SOX6: variants seen among roughly 807,000 people sequenced by gnomAD.
SOX6 encodes the protein transcription factor SOX-6.
A neutral mutation model predicts 97.8 loss-of-function variants in SOX6; 11 were observed. The ratio of observed to expected loss-of-function variants is 0.11; its 90% CI spans 0.07 to 0.19. The LOEUF is 0.19. Ranked by LOEUF, SOX6 falls within the 10% of genes least tolerant of loss-of-function variation. The pLI, the probability that SOX6 is intolerant of heterozygous loss-of-function variation, is 1.00. For synonymous variants in SOX6, 360 were observed against 371.4 expected, an observed-to-expected ratio of 0.97 and a Z score of 0.35; for missense variants, 810 against 1,039.5, an observed-to-expected ratio of 0.78 and a Z score of 3.04.
chr11:16,708,804 C>T (rs1163549471), intron 3 of SOX6, among the ~76,000 whole-genome samples: 1 of 152,174 alleles, frequency 6.6e-6, no homozygotes, highest in Non-Finnish European at 1.5e-5. Flanking sequence ...AATTGCATTA[C>T]TTTTCAGGTA....
chr11:16,501,152 G>A (rs1373584179), intron 4 of SOX6, among the ~76,000 whole-genome samples: 1 of 152,046 alleles, frequency 6.6e-6, no homozygotes, highest in East Asian at 1.9e-4. Flanking sequence ...CAGAAATAAT[G>A]CCACATATCT....
intron 4 of SOX6, among the ~76,000 whole-genome samples, chr11:16,549,463 G>A (rs73417110): frequency 0.034 from 5,111 of 152,176 alleles, 277 homozygotes; most frequent in African/African-American, 0.12. Flanking sequence ...ACAATACCAA[G>A]TGCTGGTAAT....
At chr11:16,632,733 T>TG (rs1487790081) in intron 3 of SOX6, among the ~76,000 whole-genome samples, 1 of 152,214 alleles carries the variant, frequency 6.6e-6, no homozygotes, top group Non-Finnish European at 1.5e-5. Context: ...GGCACAGGAA[T>TG]GGGGTGCAGC....
intron 6 of SOX6, among the ~76,000 whole-genome samples, chr11:16,159,048 CAAATAGTCCCA>C (rs2134067252): frequency 6.6e-6 from 1 of 152,080 alleles, no homozygotes; most frequent in South Asian, 2.1e-4. Flanking sequence ...AAAGACAATG[CAAATAGTCCCA>C]ATAAGCTCAC....
intron 4 of SOX6, among the ~76,000 whole-genome samples, chr11:16,190,849 A>T (rs536094932): frequency 9.2e-5 from 14 of 152,198 alleles, no homozygotes; most frequent in Non-Finnish European, 1.8e-4. Flanking sequence ...GTTCGGGTAT[A>T]ATGGTTTGAA....
intron 6 of SOX6, among the ~76,000 whole-genome samples, chr11:16,130,340 A>G (rs1336282231): frequency 6.6e-6 from 1 of 152,016 alleles, no homozygotes; most frequent in Non-Finnish European, 1.5e-5. Flanking sequence ...GTAGAGTGTA[A>G]GTGTTCTTAC....
At chr11:16,676,370 A>C (rs934988235) in intron 3 of SOX6, among the ~76,000 whole-genome samples, 1 of 152,180 alleles carries the variant, frequency 6.6e-6, no homozygotes, top group South Asian at 2.1e-4. Context: ...AATAATTGAT[A>C]TAAAATCTTT....
At chr11:16,036,885 G>A (rs1042475305) in intron 12 of SOX6, among the ~76,000 whole-genome samples, 3 of 152,138 alleles carry the variant, frequency 2.0e-5, no homozygotes, top group African/African-American at 7.2e-5. Flanking sequence ...AGACTTAGGA[G>A]GCAGCTTGCA....
At chr11:16,156,970 G>T (rs750059017) in intron 6 of SOX6, among the ~76,000 whole-genome samples, 5 of 151,640 alleles carry the variant, frequency 3.3e-5, no homozygotes, top group Non-Finnish European at 5.9e-5. Flanking sequence ...TGTCCATTTT[G>T]TTCCTTAGTG....
At position 16,096,010 on chromosome 11, in the gene SOX6, G is replaced by C. The variant is rs144466666; in HGVS notation, c.1087C>G (p.His363Asp). ...AGCATTCATACCTCAATCTGTTTGT[G>C]GTTGTAAGAGTGGCCACCACCATGT... Reference protein sequence around the residue: ...FEHGGGHSYNHKQIEQLYAAQ... With the variant: ...FEHGGGHSYNDKQIEQLYAAQ... Residue 363 changes from histidine (H) to aspartate (D), a missense_variant, in exon 9 of 16, where the codon CAC becomes GAC. This residue lies in a region of SOX6 where 244 missense variants were observed against 261.0 expected (regional missense o/e 0.93). Transcript: ENST00000683767. 2 of 1,611,108 alleles carry C rather than the reference G, an allele frequency of 1.2e-6. No individual in the cohort carries two copies. The highest frequency in any genetic ancestry group is 3.3e-5 in the Admixed American group (2 of 59,724).
rs1853183500 is a variant in SOX6 at position 15,967,826 on chromosome 11, A to G, written c.*4983T>C. Reference sequence around the variant, plus strand: ...AAGATATGTCACTGAGTTTTCTTCAAGCGTTCATATTGCCATGGACACTGA... The same window carrying G: ...AAGATATGTCACTGAGTTTTCTTCAGGCGTTCATATTGCCATGGACACTGA... On this transcript the variant is annotated 3_prime_UTR_variant, in exon 16 of 16. Coordinates refer to ENST00000683767, the MANE Select transcript of SOX6 (RefSeq NM_001367873.1). 6.6e-6 allele frequency: 1 copy of G among 152,188 alleles called. No homozygotes were observed. Among genetic ancestry groups the G allele is most frequent in the African/African-American group, 2.4e-5 (1 of 41,444 alleles). 9.4% of individuals were successfully genotyped at this position (152,188 alleles called of 1,614,324 possible).
chr11:16,192,752 TA>T (rs1851664871), intron 4 of SOX6, among the ~76,000 whole-genome samples: 2 of 152,240 alleles, frequency 1.3e-5, no homozygotes, highest in South Asian at 4.1e-4. Flanking sequence ...AAAATTAAAA[TA>T]AAAAATTAAG....
intron 1 of SOX6, among the ~76,000 whole-genome samples, chr11:16,413,669 T>G (rs1858869300): frequency 6.6e-6 from 1 of 151,656 alleles, no homozygotes; most frequent in African/African-American, 2.4e-5. Flanking sequence ...TACAGGCACC[T>G]GCCACCATGT....
chr11:16,558,407 A>G (rs907419863), intron 4 of SOX6, among the ~76,000 whole-genome samples: 1 of 151,930 alleles, frequency 6.6e-6, no homozygotes, highest in African/African-American at 2.4e-5. Flanking sequence ...GCCAAGAATT[A>G]CTCTCATACC....
chr11:16,459,653 TAAAGATGAA>T (rs930266167), intron 1 of SOX6, among the ~76,000 whole-genome samples: 1 of 152,078 alleles, frequency 6.6e-6, no homozygotes, highest in Non-Finnish European at 1.5e-5. Flanking sequence ...GTTGAATTTA[TAAAGATGAA>T]AACAGACTAT....
intron 3 of SOX6, among the ~76,000 whole-genome samples, chr11:16,677,032 GCCCCAACTATTATGCCTTT>G (rs1847889371): frequency 6.6e-6 from 1 of 151,980 alleles, no homozygotes. Flanking sequence ...TCTATTGTTT[GCCCCAACTATTATGCCTTT>G]CCCCAGGTGG....
intron 3 of SOX6, among the ~76,000 whole-genome samples, chr11:16,639,998 G>A (rs1212718388): frequency 1.3e-5 from 2 of 152,146 alleles, no homozygotes; most frequent in Non-Finnish European, 2.9e-5. Flanking sequence ...AGTTTTCAAA[G>A]GGAATGCTTC....
intron 4 of SOX6, among the ~76,000 whole-genome samples, chr11:16,188,331 G>A (rs999624629): frequency 5.3e-5 from 8 of 151,580 alleles, no homozygotes; most frequent in African/African-American, 1.9e-4. Context: ...AAATAAAGTT[G>A]TTAGAAAGTG....
chr11:16,442,711 T>G (rs1200902232), intron 1 of SOX6, among the ~76,000 whole-genome samples: 1 of 152,110 alleles, frequency 6.6e-6, no homozygotes, highest in Non-Finnish European at 1.5e-5. Context: ...GAAAAATGAC[T>G]AGCAATTTTT....
Sources: allele counts gnomAD v4.1 joint callset (sites outside exome capture counted in the v4.1 genomes callset), GRCh38; gene constraint gnomAD v4.1.1; regional missense constraint gnomAD v4.1.1; transcripts MANE v1.5; gene names NCBI Gene and HGNC (gene_info 2026-07-23, HGNC 2026-07-21).